NDRG3: variants seen among roughly 807,000 people sequenced by gnomAD.
The protein encoded by NDRG3 is NDRG family member 3, also known as protein NDRG3.
A neutral mutation model predicts 57.2 loss-of-function variants in NDRG3; 23 were observed. The ratio of observed to expected loss-of-function variants is 0.40; its 90% confidence interval spans 0.29 to 0.57. The LOEUF (loss-of-function observed/expected upper bound fraction) is 0.57. NDRG3 is among the 20% of genes least tolerant of loss of function. The pLI is 0.42. For synonymous variants in NDRG3, 132 were observed against 162.6 expected (o/e 0.81, Z 1.43); for missense variants, 384 against 457.3 (o/e 0.84, Z 1.46).
chr20:36,671,459 C>A, intron 8 of NDRG3, 62 bp from the exon 9 acceptor site: 1 of 1,274,628 alleles, frequency 7.8e-7, no homozygotes, highest in South Asian at 1.2e-5. Flanking sequence ...TCAAGCTGCC[C>A]AATTAAAATG....
Position 36,688,774 on chromosome 20 carries a change from A to G in NDRG3, c.104T>C (p.Ile35Thr), listed in dbSNP as rs768197441. 6 of 1,612,730 alleles carry G rather than the reference A, an allele frequency of 3.7e-6. No homozygotes were observed. The Admixed American group carries it at 5.0e-5, about 13-fold the overall frequency. Reference sequence around the variant, plus strand: ...GTGGACCACACCATGAGTTGTTTCTATATCATGTTCCTGTAACAAGAGAAT... The same window carrying G: ...GTGGACCACACCATGAGTTGTTTCTGTATCATGTTCCTGTAACAAGAGAAT... The part of the protein sequence containing the change: ...FQDFDCQEHD[I>T]ETTHGVVHVT... Residue 35 changes from isoleucine (I) to threonine (T), a missense_variant, in exon 4 of 16, where the codon ATA (isoleucine) becomes ACA (threonine). By Grantham distance (89) the Ile-to-Thr change is moderately conservative. Coordinates refer to ENST00000349004, the MANE Select transcript of NDRG3 (RefSeq NM_032013.4).
chr20:36,712,588 T>TATATATATATATA (rs1555804489), intron 2 of NDRG3, among the ~76,000 whole-genome samples: 6 of 10,918 alleles, frequency 5.5e-4, no homozygotes, highest in Non-Finnish European at 9.6e-4. Context: ...TATATATATA[T>TATATATATATATA]TTTTTTTTTT....
At chr20:36,671,295 A>G (rs1481753961) in intron 9 of NDRG3, 46 bp downstream of exon 9, 3 of 1,484,418 alleles carry the variant, frequency 2.0e-6, no homozygotes, top group Non-Finnish European at 2.8e-6. Context: ...AAGAATTTGC[A>G]TGCAAGCCAA....
chr20:36,687,615 A>T lies in NDRG3; in HGVS notation c.200-3T>A. 6.2e-7 allele frequency: 1 copy of T among 1,612,612 alleles called. No individual in the cohort carries two copies. Among genetic ancestry groups the T allele is most frequent in the Non-Finnish European group, 8.5e-7 (1 of 1,179,268 alleles). ...GAATGCATTGAAACAGGATTTATCT[A>T]TAAGAATAAAAATACCCATAAGTCA... On this transcript the variant is annotated splice_polypyrimidine_tract_variant and splice_region_variant and intron_variant, in intron 4 of 15. Coordinates refer to ENST00000349004, the MANE Select transcript of NDRG3 (RefSeq NM_032013.4).
intron 8 of NDRG3, among the ~76,000 whole-genome samples, chr20:36,676,864 C>A (rs971262747): frequency 6.6e-6 from 1 of 152,248 alleles, no homozygotes; most frequent in East Asian, 1.9e-4. Flanking sequence ...ATGGAGCTGG[C>A]GGAAGCCCCG....
chr20:36,710,885 C>A (rs1203278036), intron 2 of NDRG3, among the ~76,000 whole-genome samples: 2 of 148,728 alleles, frequency 1.3e-5, no homozygotes, highest in Non-Finnish European at 3.0e-5. Flanking sequence ...GAGGCTCAGG[C>A]AGGAGAATCA....
Position 36,746,045 on chromosome 20 carries a change from C to T in NDRG3, c.-49G>A. On this transcript the variant is annotated splice_region_variant and 5_prime_UTR_variant, in exon 1 of 16. Transcript: ENST00000349004. ...GGGCCGGGCGGAGGCGCTCACTCAC[C>T]TGAGGCGCGGGCACCCGCCGTCAGT... 1 of 343,638 alleles carries T rather than the reference C, an allele frequency of 2.9e-6. No homozygotes were observed. The highest frequency in any genetic ancestry group is 5.1e-6 in the Non-Finnish European group (1 of 195,020). 21.3% of individuals were successfully genotyped at this position (343,638 alleles called of 1,614,324 possible).
Position 36,656,492 on chromosome 20 carries a change from C to T in NDRG3, c.894+5G>A. On this transcript the variant is annotated splice_donor_5th_base_variant and intron_variant, in intron 14 of 15. Transcript: ENST00000349004. ...AAATGGGTGTTTAAAAAAAATTCTC[C>T]TTACCTGAACTACCTGGGGCAGTCC... The T allele has an allele frequency of 1.9e-6, 3 of 1,614,120 alleles. No individual in the cohort carries two copies. Among genetic ancestry groups the T allele is most frequent in the Non-Finnish European group, 8.5e-7 (1 of 1,179,998 alleles).
Position 36,671,372 on chromosome 20 carries a change from A to T in NDRG3, c.557T>A (p.Val186Glu). The T allele has an allele frequency of 6.2e-7, 1 of 1,614,028 alleles. No homozygotes were observed. Among genetic ancestry groups the T allele is most frequent in the Non-Finnish European group, 8.5e-7 (1 of 1,179,896 alleles). Reference sequence around the variant, plus strand: ...AAAGTGATGAGCCAAAATAATGTCCACAACATTGGTTGTCAGGCCAGAGAG... The same window carrying T: ...AAAGTGATGAGCCAAAATAATGTCCTCAACATTGGTTGTCAGGCCAGAGAG... ...SKLSGLTTNV[V>E]DIILAHHFGQ... Residue 186 changes from valine (V) to glutamate (E), a missense_variant, in exon 9 of 16, where the codon GTG (valine) becomes GAG (glutamate). Physicochemically the swap from Val to Glu is moderately radical, Grantham distance 121. Coordinates refer to ENST00000349004, the MANE Select transcript of NDRG3 (RefSeq NM_032013.4).
At chr20:36,731,501 T>A (rs1307505779) in intron 1 of NDRG3, among the ~76,000 whole-genome samples, 1 of 152,046 alleles carries the variant, frequency 6.6e-6, no homozygotes, top group Non-Finnish European at 1.5e-5. Flanking sequence ...ACTATGTACA[T>A]CACTTTTTAG....
intron 1 of NDRG3, among the ~76,000 whole-genome samples, chr20:36,730,939 A>G (rs1312553510): frequency 1.4e-5 from 2 of 141,716 alleles, no homozygotes; most frequent in South Asian, 2.2e-4. Context: ...TGCTGTCTCG[A>G]AAAAAAAAAA....
Position 36,677,941 on chromosome 20 carries a change from T to C in NDRG3, c.531+2875A>G, listed in dbSNP as rs149026476. Among the ~76,000 whole-genome samples the C allele has an allele frequency of 8.6e-4, 131 of 152,322 alleles. 2 individuals are homozygous for C. The highest frequency in any genetic ancestry group is 2.7e-3 in the African/African-American group (114 of 41,572). ...TATAATTTTTTCCTTATTCCCACTT[T>C]TCTGTTTTAAAAAAATGTCCTCTCC... is the stretch of plus-strand genomic sequence containing the variant. On this transcript the variant is annotated intron_variant, in intron 8 of 15. Coordinates refer to ENST00000349004, the MANE Select transcript of NDRG3 (RefSeq NM_032013.4).
chr20:36,665,371 A>G (rs1979537462), intron 10 of NDRG3, 70 bp from the exon 11 acceptor site: 1 of 1,326,578 alleles, frequency 7.5e-7, no homozygotes, highest in Non-Finnish European at 1.1e-6. Context: ...TTTTCTGGTC[A>G]TAAACACCAA....
chr20:36,713,999 T>C (rs1984070167), intron 2 of NDRG3, among the ~76,000 whole-genome samples: 1 of 152,182 alleles, frequency 6.6e-6, no homozygotes, highest in Admixed American at 6.6e-5. Flanking sequence ...TGGGGGATTG[T>C]ACAAGCAAGA....
At chr20:36,745,788 G>A (rs928495896) in intron 1 of NDRG3, among the ~76,000 whole-genome samples, 1 of 152,156 alleles carries the variant, frequency 6.6e-6, no homozygotes, top group Non-Finnish European at 1.5e-5. Context: ...CCCGGAGGGA[G>A]GCTCTCTTGC....
At chr20:36,664,601 A>C (rs1273019534) in intron 12 of NDRG3, among the ~76,000 whole-genome samples, 1 of 152,256 alleles carries the variant, frequency 6.6e-6, no homozygotes, top group East Asian at 1.9e-4. Flanking sequence ...AATTTTCCAA[A>C]ATGTATGACA....
chr20:36,734,657 C>T (rs1985516143), intron 1 of NDRG3, among the ~76,000 whole-genome samples: 1 of 152,126 alleles, frequency 6.6e-6, no homozygotes. Flanking sequence ...CTTGGCACAA[C>T]TGACATTTTA....
intron 1 of NDRG3, among the ~76,000 whole-genome samples, chr20:36,723,711 GTT>G (rs150408734): frequency 7.9e-6 from 1 of 127,000 alleles, no homozygotes; most frequent in Non-Finnish European, 1.7e-5. Flanking sequence ...TGGTGTTTTT[GTT>G]TTTTTTTTTT....
chr20:36,714,901 C>A (rs1984142715), intron 2 of NDRG3, among the ~76,000 whole-genome samples: 1 of 150,566 alleles, frequency 6.6e-6, no homozygotes, highest in African/African-American at 2.4e-5. Context: ...GCATGAGCCA[C>A]CGCGCCAGGC....
Sources: allele counts gnomAD v4.1 joint callset (sites outside exome capture counted in the v4.1 genomes callset), GRCh38; gene constraint gnomAD v4.1.1; transcripts MANE v1.5; gene names NCBI Gene and HGNC (gene_info 2026-07-23, HGNC 2026-07-21).